Variants in FGFR1 observed in about 807,000 individuals in gnomAD.
FGFR1 encodes FGFR1/PLAG1 fusion.
In FGFR1, 18 loss-of-function variants were observed where a neutral mutation model predicts 93.7. That is an observed-to-expected ratio of 0.19 (90% CI 0.13 to 0.28). FGFR1 has a LOEUF of 0.28. Ranked by LOEUF, FGFR1 falls within the 10% of genes least tolerant of loss-of-function variation. FGFR1 has a pLI of 1.00. For missense variants in FGFR1, 731 were observed against 1,080.4 expected (o/e 0.68, Z 4.53); for synonymous variants, 448 against 429.3 (o/e 1.04, Z -0.54).
At chr8:38,464,224 G>A (rs1002541238) in intron 1 of FGFR1, among the ~76,000 whole-genome samples, 11 of 150,098 alleles carry the variant, frequency 7.3e-5, no homozygotes, top group Non-Finnish European at 1.6e-4. Context: ...GCTGGGGCAG[G>A]AGAATCGCTT....
At chr8:38,428,788 C>T (rs1460495489) in intron 3 of FGFR1, 5 of 372,376 alleles carry the variant, frequency 1.3e-5, no homozygotes, top group Admixed American at 7.8e-5. Flanking sequence ...CTTCTTTGGA[C>T]GGCTGACTAT....
At chr8:38,432,782 C>CA (rs1432424297) in intron 2 of FGFR1, among the ~76,000 whole-genome samples, 2 of 152,074 alleles carry the variant, frequency 1.3e-5, no homozygotes, top group Non-Finnish European at 2.9e-5. Context: ...TTTTCCTGAT[C>CA]AAAATCTACC....
intron 2 of FGFR1, chr8:38,435,429 T>G (rs1824990566): frequency 1.3e-5 from 2 of 152,190 alleles, no homozygotes; most frequent in Non-Finnish European, 2.9e-5. Flanking sequence ...GTTCTCCGTT[T>G]ACAAAGCAGG....
intron 2 of FGFR1, among the ~76,000 whole-genome samples, chr8:38,452,200 GACACACACAC>G (rs3051753): frequency 0.28 from 38,410 of 139,004 alleles, 5,816 homozygotes; most frequent in Middle Eastern, 0.39. Context: ...CAGACACACA[GACACACACAC>G]ACACACACAC....
chr8:38,431,788 C>T (rs1418793086), intron 2 of FGFR1, among the ~76,000 whole-genome samples: 2 of 152,170 alleles, frequency 1.3e-5, no homozygotes, highest in African/African-American at 4.8e-5. Context: ...TTTTGTGAGT[C>T]CGGTCAAGGG....
chr8:38,432,792 C>T (rs1354557190), intron 2 of FGFR1, among the ~76,000 whole-genome samples: 1 of 152,084 alleles, frequency 6.6e-6, no homozygotes, highest in Admixed American at 6.6e-5. Context: ...CAAAATCTAC[C>T]CTGTGTACAG....
intron 2 of FGFR1, among the ~76,000 whole-genome samples, chr8:38,454,758 T>G (rs1213879353): frequency 6.6e-6 from 1 of 152,184 alleles, no homozygotes; most frequent in Non-Finnish European, 1.5e-5. Context: ...ATGAGCAAAC[T>G]GTGACGTATG....
At chr8:38,449,161 G>C (rs2151232700) in intron 2 of FGFR1, among the ~76,000 whole-genome samples, 1 of 152,164 alleles carries the variant, frequency 6.6e-6, no homozygotes, top group Non-Finnish European at 1.5e-5. Context: ...TTAATTTGGA[G>C]ATAGGGGAAG....
At chr8:38,458,043 AT>A (rs1833370353) in intron 1 of FGFR1, among the ~76,000 whole-genome samples, 1 of 152,160 alleles carries the variant, frequency 6.6e-6, no homozygotes, top group South Asian at 2.1e-4. Flanking sequence ...TTCTACAGCT[AT>A]GTTTTGAGTG....
At chr8:38,462,423 G>C (rs1834607694) in intron 1 of FGFR1, among the ~76,000 whole-genome samples, 1 of 151,732 alleles carries the variant, frequency 6.6e-6, no homozygotes, top group South Asian at 2.1e-4. Flanking sequence ...AGAATTGCTT[G>C]AACCCGGGAG....
chr8:38,438,435 G>A (rs937477481), intron 2 of FGFR1, among the ~76,000 whole-genome samples: 96 of 151,642 alleles, frequency 6.3e-4, no homozygotes, highest in African/African-American at 1.9e-3. Flanking sequence ...CCCAGCTACT[G>A]AGGAGGCTGA....
chr8:38,444,780 C>T (rs958815328), intron 2 of FGFR1, among the ~76,000 whole-genome samples: 1 of 152,136 alleles, frequency 6.6e-6, no homozygotes, highest in Non-Finnish European at 1.5e-5. Flanking sequence ...TTCCAGTGAT[C>T]TGGGGATCTA....
chr8:38,453,738 A>G (rs1053963861), intron 2 of FGFR1, among the ~76,000 whole-genome samples: 2 of 152,188 alleles, frequency 1.3e-5, no homozygotes, highest in Non-Finnish European at 2.9e-5. Context: ...CTAAAAATAT[A>G]AAAATTAGCC....
At chr8:38,446,769 T>C (rs1359135736) in intron 2 of FGFR1, among the ~76,000 whole-genome samples, 1 of 152,180 alleles carries the variant, frequency 6.6e-6, no homozygotes, top group East Asian at 1.9e-4. Context: ...TCCCAGCCTC[T>C]GAAGCTTTTG....
chr8:38,414,850 C>T lies in FGFR1; in HGVS notation c.1906G>A (p.Val636Met), dbSNP rs2150563349. 2 of 1,613,236 alleles carry T rather than the reference C, an allele frequency of 1.2e-6. No individual in the cohort carries two copies. Among genetic ancestry groups the T allele is most frequent in the Non-Finnish European group, 8.5e-7 (1 of 1,179,934 alleles). ...AGGCCAAAGTCTGCTATCTTCATCA[C>T]ATTGTCCTCTGTCACCAGGACATTC... Reference protein sequence around the residue: ...ARNVLVTEDNVMKIADFGLAR... With the variant: ...ARNVLVTEDNMMKIADFGLAR... Residue 636 changes from valine to methionine, a missense_variant, in exon 14 of 18, where the codon GTG becomes ATG. Physicochemically the swap from Val to Met is conservative, Grantham distance 21. Transcript: ENST00000447712.
At position 38,426,372 on chromosome 8, in the gene FGFR1, G is replaced by A. The variant is rs1187171999; in HGVS notation, c.622-127C>T. 3 of 1,363,954 alleles carry A rather than the reference G, an allele frequency of 2.2e-6. No individual in the cohort carries two copies. The East Asian group carries it at 6.9e-5, about 31-fold the overall frequency. The allele number at this position is 1,363,954 out of a possible 1,614,324, so 84.5% of individuals were successfully genotyped here. A position where few individuals can be genotyped will look rare whatever the true frequency, so the allele number is the denominator to read the frequency against. ...TGGTGGCACAGGGCCCCAGGCTGCA[G>A]GGTTGGCTAGGACAAGGCGTGGATT... On this transcript the variant is annotated intron_variant, in intron 5 of 17. Transcript: ENST00000447712. The surrounding 1 kb of genome is among the most constrained non-coding windows in gnomAD (Gnocchi z 4.1).
chr8:38,421,627 T>C (rs1467719456), intron 8 of FGFR1, 170 bp downstream of exon 8: 2 of 752,762 alleles, frequency 2.7e-6, no homozygotes, highest in Admixed American at 2.0e-5. Context: ...AGCTCTTCTC[T>C]GAGCTGAGAG....
At chr8:38,444,556 A>T (rs1262017578) in intron 2 of FGFR1, among the ~76,000 whole-genome samples, 4 of 129,232 alleles carry the variant, frequency 3.1e-5, no homozygotes, top group Non-Finnish European at 6.4e-5. Context: ...GCGTGGCTAA[A>T]TTTTTTTTTT....
chr8:38,454,412 G>A (rs543379473), intron 2 of FGFR1, among the ~76,000 whole-genome samples: 47 of 152,202 alleles, frequency 3.1e-4, no homozygotes, highest in Middle Eastern at 3.4e-3. Flanking sequence ...TACAATTGGC[G>A]GATTCAAATC....
Sources: allele counts gnomAD v4.1 joint callset (sites outside exome capture counted in the v4.1 genomes callset), GRCh38; gene constraint gnomAD v4.1.1; non-coding constraint Gnocchi (gnomAD v3.1); transcripts MANE v1.5; gene names NCBI Gene and HGNC (gene_info 2026-07-23, HGNC 2026-07-21).